NRK: variants seen among roughly 807,000 people sequenced by gnomAD.
NRK encodes the protein Nik related kinase, also known as nik-related protein kinase.
In NRK, 67 loss-of-function variants were observed where a neutral mutation model predicts 125.2. The observed-to-expected ratio is 0.54, with a 90% CI of 0.44 to 0.66. The LOEUF is 0.66. NRK is among the 30% of genes least tolerant of loss of function. The pLI is 0.00. For synonymous variants in NRK, 458 were observed against 429.0 expected, an observed-to-expected ratio of 1.07 and a Z score of -0.84; for missense variants, 1,224 against 1,192.9, an observed-to-expected ratio of 1.03 and a Z score of -0.38.
intron 10 of NRK, 49 bp downstream of exon 10, chrX:105,905,392 A>G: frequency 3.3e-6 from 3 of 914,966 alleles, no homozygotes; most frequent in East Asian, 3.2e-5. Flanking sequence ...TGACATTTTT[A>G]TGTTAGCAAA....
At chrX:105,858,382 G>GTT (rs34843921) in intron 2 of NRK, among the ~76,000 whole-genome samples, 9,811 of 96,846 alleles carry the variant, frequency 0.1, 1,319 homozygotes, top group African/African-American at 0.35. Flanking sequence ...ACCATCTCCA[G>GTT]TTTTTTTTTT....
intron 2 of NRK, among the ~76,000 whole-genome samples, chrX:105,858,750 A>G (rs929003324): frequency 9.0e-6 from 1 of 111,294 alleles, no homozygotes; most frequent in Non-Finnish European, 1.9e-5. Context: ...TAAATCATCT[A>G]TCACAAAAAC....
In NRK at chrX:105,888,355, A is replaced by G; in HGVS notation, c.314A>G (p.Asn105Ser). Residue 105 changes from asparagine to serine, a missense_variant, in exon 5 of 29, where the codon AAC becomes AGC. Transcript: ENST00000243300. ...CTGAGGAAGTACTCTTTCCACAAAA[A>G]CATTGTGTCCTTCTATGGAGCATTT... ...NLLRKYSFHK[N>S]IVSFYGAFFK... is the part of the protein sequence containing the mutation. 8.3e-7 allele frequency: 1 copy of G among 1,198,147 alleles called. No homozygotes were observed. Among genetic ancestry groups the G allele is most frequent in the Non-Finnish European group, 1.1e-6 (1 of 885,859 alleles).
At chrX:105,849,578 A>G (rs904143889) in intron 2 of NRK, among the ~76,000 whole-genome samples, 5 of 112,269 alleles carry the variant, frequency 4.5e-5, no homozygotes, top group Non-Finnish European at 1.9e-5. Flanking sequence ...CTGTAAAATC[A>G]AAAGCAAGTT....
intron 5 of NRK, among the ~76,000 whole-genome samples, chrX:105,893,073 A>G (rs887883224): frequency 5.4e-5 from 6 of 111,946 alleles, no homozygotes; most frequent in Non-Finnish European, 7.5e-5. Context: ...GTTAACTCAT[A>G]TTACCTGGAT....
At chrX:105,880,135 A>G in intron 2 of NRK, 64 bp from the exon 3 acceptor site, 2 of 493,107 alleles carry the variant, frequency 4.1e-6, no homozygotes, top group Non-Finnish European at 6.5e-6. Context: ...TTCTACTTTA[A>G]TTGCTTCTTG....
intron 1 of NRK, among the ~76,000 whole-genome samples, chrX:105,826,582 T>C (rs1290755372): frequency 9.4e-6 from 1 of 105,963 alleles, no homozygotes; most frequent in Non-Finnish European, 1.9e-5. Context: ...CTAATCTATA[T>C]TGGGGTCAGG....
At chrX:105,867,602 GCT>G (rs1221624736) in intron 2 of NRK, among the ~76,000 whole-genome samples, 1 of 111,994 alleles carries the variant, frequency 8.9e-6, no homozygotes, top group Admixed American at 9.5e-5. Flanking sequence ...TATAGGTGAA[GCT>G]CTCTCTTCCC....
chrX:105,951,450 A>G (rs1270116326), intron 27 of NRK, among the ~76,000 whole-genome samples: 1 of 111,574 alleles, frequency 9.0e-6, no homozygotes, highest in Admixed American at 9.6e-5. Context: ...TACTATAAGA[A>G]CATGATACTT....
Position 105,955,876 on chromosome X carries a change from A to C in NRK, c.*276A>C, listed in dbSNP as rs903624280. On this transcript the variant is annotated 3_prime_UTR_variant, in exon 29 of 29. Transcript: ENST00000243300. Reference sequence around the variant, plus strand: ...TGAATTCAAACATTACTCTTTGGACAGTTTGGACAGTATCTGTATTCAGAT... The same window carrying C: ...TGAATTCAAACATTACTCTTTGGACCGTTTGGACAGTATCTGTATTCAGAT... 2 of 200,920 alleles carry C rather than the reference A, an allele frequency of 1.0e-5. No individual in the cohort carries two copies. Among genetic ancestry groups the C allele is most frequent in the Admixed American group, 1.4e-4 (2 of 14,642 alleles). The allele number at this position is 200,920 out of a possible 1,213,427, so 16.6% of individuals were successfully genotyped here. A position where few individuals can be genotyped will look rare whatever the true frequency, so the allele number is the denominator to read the frequency against.
intron 4 of NRK, among the ~76,000 whole-genome samples, chrX:105,885,288 C>T (rs1411981872): frequency 8.9e-6 from 1 of 111,834 alleles, no homozygotes; most frequent in African/African-American, 3.2e-5. Flanking sequence ...GAATCACTTC[C>T]TGAGTCATCT....
chrX:105,847,984 G>GT (rs1055147471), intron 2 of NRK, among the ~76,000 whole-genome samples: 3 of 112,064 alleles, frequency 2.7e-5, no homozygotes, highest in Non-Finnish European at 5.6e-5. Context: ...ACAGGCAAAA[G>GT]TTTTTTATCA....
At chrX:105,935,813 TTA>T (rs770022568) in intron 21 of NRK, among the ~76,000 whole-genome samples, 11,652 of 102,593 alleles carry the variant, frequency 0.11, 1,749 homozygotes, top group African/African-American at 0.39. Flanking sequence ...TTATTATATT[TTA>T]TATATATATA....
intron 14 of NRK, among the ~76,000 whole-genome samples, chrX:105,914,363 T>C (rs1179104625): frequency 9.0e-6 from 1 of 111,088 alleles, no homozygotes; most frequent in African/African-American, 3.3e-5. Context: ...TAAATGACTT[T>C]ACTCAAACTC....
At chrX:105,948,781 T>A (rs2040853041) in intron 26 of NRK, 7 of 452,889 alleles carry the variant, frequency 1.5e-5, no homozygotes, top group Non-Finnish European at 2.6e-5. Flanking sequence ...TTCTGACTTT[T>A]TTTTTTTTTT....
At chrX:105,849,116 A>C (rs1433420049) in intron 2 of NRK, among the ~76,000 whole-genome samples, 1 of 111,674 alleles carries the variant, frequency 9.0e-6, no homozygotes, top group Non-Finnish European at 1.9e-5. Flanking sequence ...AAGTGGTTTA[A>C]TTGGACTTAC....
chrX:105,916,402 G>T (rs2040366723), intron 15 of NRK, among the ~76,000 whole-genome samples: 1 of 110,362 alleles, frequency 9.1e-6, no homozygotes, highest in African/African-American at 3.3e-5. Flanking sequence ...AAATTTTAAG[G>T]TAGATTTTTT....
At chrX:105,835,638 T>TG (rs2039254213) in intron 2 of NRK, among the ~76,000 whole-genome samples, 1 of 109,628 alleles carries the variant, frequency 9.1e-6, no homozygotes, top group Non-Finnish European at 1.9e-5. Context: ...CTTTTTTTTT[T>TG]TTTTTACCTT....
chrX:105,922,784 A>G (rs2040469485), intron 17 of NRK, among the ~76,000 whole-genome samples: 2 of 111,600 alleles, frequency 1.8e-5, no homozygotes, highest in South Asian at 7.4e-4. Context: ...CAGGGGATAA[A>G]ACAAAAGGGA....
Sources: gnomAD v4.1 joint callset for allele counts (sites outside exome capture counted in the v4.1 genomes callset) on GRCh38, gnomAD v4.1.1 for gene constraint, MANE v1.5 for transcripts, NCBI Gene and HGNC (gene_info 2026-07-23, HGNC 2026-07-21) for gene names.